The following ZNF106 variants were observed in gnomAD, a reference collection of about 807,000 sequenced individuals.
The protein encoded by ZNF106 is zinc finger protein 106, also known as SH3-domain binding protein 3.
A neutral mutation model predicts 195.1 loss-of-function variants in ZNF106; 67 were observed. The observed-to-expected ratio is 0.34, with a 90% CI of 0.28 to 0.42. The LOEUF (loss-of-function observed/expected upper bound fraction) is 0.42. ZNF106 is among the 10% of genes least tolerant of loss of function. ZNF106 has a pLI of 1.00. For missense variants in ZNF106, 2,118 were observed against 2,304.5 expected, an observed-to-expected ratio of 0.92 and a Z score of 1.66; for synonymous variants, 784 against 818.6, an observed-to-expected ratio of 0.96 and a Z score of 0.72.
chr15:42,436,916 G>A (rs112597613), intron 13 of ZNF106, among the ~76,000 whole-genome samples: 68 of 152,314 alleles, frequency 4.5e-4, no homozygotes, highest in Admixed American at 1.4e-3. Flanking sequence ...GATCGTTCAG[G>A]GAGTAAAACA....
At chr15:42,477,202 A>G (rs2056803424) in intron 1 of ZNF106, among the ~76,000 whole-genome samples, 1 of 152,124 alleles carries the variant, frequency 6.6e-6, no homozygotes, top group Non-Finnish European at 1.5e-5. Context: ...CTTTCATTTA[A>G]CATACATTGG....
intron 3 of ZNF106, among the ~76,000 whole-genome samples, chr15:42,465,710 A>G (rs1328998610): frequency 1.3e-5 from 2 of 152,218 alleles, no homozygotes; most frequent in Admixed American, 1.3e-4. Flanking sequence ...AATAATTTGT[A>G]ACACTGCTGA....
chr15:42,418,748 GA>G (rs1371620875), intron 20 of ZNF106, among the ~76,000 whole-genome samples: 1 of 151,872 alleles, frequency 6.6e-6, no homozygotes, highest in African/African-American at 2.4e-5. Flanking sequence ...GTCTGATAAA[GA>G]AAACTACATT....
chr15:42,488,434 C>T (rs1196840795), intron 1 of ZNF106, among the ~76,000 whole-genome samples: 1 of 152,094 alleles, frequency 6.6e-6, no homozygotes, highest in Non-Finnish European at 1.5e-5. Flanking sequence ...CAGATTAAAA[C>T]ATGCACAAAC....
chr15:42,444,741 T>C (rs2055702670), intron 8 of ZNF106, 86 bp downstream of exon 8: 2 of 1,544,028 alleles, frequency 1.3e-6, no homozygotes, highest in Non-Finnish European at 1.8e-6. Flanking sequence ...CCATTGCTTT[T>C]GGGGTGACTC....
intron 16 of ZNF106, 146 bp downstream of exon 16, chr15:42,424,688 C>G: frequency 1.3e-6 from 1 of 750,574 alleles, no homozygotes; most frequent in Non-Finnish European, 2.1e-6. Flanking sequence ...CCATGTTGCC[C>G]TGGCTGGTCT....
chr15:42,439,254 A>C lies in ZNF106; in HGVS notation c.4323T>G (p.Asp1441Glu). Residue 1441 changes from aspartate to glutamate, a missense_variant, in exon 11 of 22, where the codon GAT becomes GAG. Transcript: ENST00000564754. ...REQESVRDEP[D>E]SDSSLEVLEI... Reference sequence around the variant, plus strand: ...CTAGGACTTCCAGAGACGAGTCACTATCTGGCTCATCTCTGACACTCTCCT... The same window carrying C: ...CTAGGACTTCCAGAGACGAGTCACTCTCTGGCTCATCTCTGACACTCTCCT... The C allele has an allele frequency of 2.5e-6, 4 of 1,614,156 alleles. No individual in the cohort carries two copies. Among genetic ancestry groups the C allele is most frequent in the Non-Finnish European group, 3.4e-6 (4 of 1,180,030 alleles).
intron 2 of ZNF106, among the ~76,000 whole-genome samples, chr15:42,468,851 T>C (rs1395703249): frequency 1.3e-5 from 2 of 151,952 alleles, no homozygotes; most frequent in Non-Finnish European, 2.9e-5. Context: ...ACCTGAAAAC[T>C]AAGACAAGTT....
intron 1 of ZNF106, among the ~76,000 whole-genome samples, chr15:42,485,752 T>C (rs2056999385): frequency 6.6e-6 from 1 of 152,204 alleles, no homozygotes; most frequent in African/African-American, 2.4e-5. Context: ...AATAAAAATG[T>C]GTGACGTATG....
chr15:42,441,867 A>G, intron 10 of ZNF106: 2 of 413,296 alleles, frequency 4.8e-6, no homozygotes, highest in Non-Finnish European at 8.5e-6. Context: ...GATTAGAGGA[A>G]ATGAAAGAAA....
intron 10 of ZNF106, 117 bp downstream of exon 10, chr15:42,441,956 A>C: frequency 1.4e-6 from 1 of 712,482 alleles, no homozygotes; most frequent in Non-Finnish European, 2.3e-6. Flanking sequence ...TCCAGTGACA[A>C]ATTAGTTGTA....
chr15:42,421,390 A>C (rs536454495), intron 19 of ZNF106, among the ~76,000 whole-genome samples: 15 of 152,276 alleles, frequency 9.9e-5, no homozygotes, highest in Middle Eastern at 3.4e-3. Flanking sequence ...CTTGTCCTTT[A>C]TACTTTAACT....
Position 42,468,729 on chromosome 15 carries a change from A to G in ZNF106, c.55-2615T>C, listed in dbSNP as rs565744656. ...TTGCACTCCAGCCTGGAGACAGAGC[A>G]AGACTCCGTCTCAAAAAAAATAAAA... On this transcript the variant is annotated intron_variant, in intron 2 of 21. Transcript: ENST00000564754. 2.7e-5 allele frequency among the ~76,000 whole-genome samples: 4 copies of G among 150,808 alleles called. No individual in the cohort carries two copies. The East Asian group carries it at 8.2e-4, about 31-fold the overall frequency.
intron 1 of ZNF106, among the ~76,000 whole-genome samples, chr15:42,474,197 G>C (rs1245332994): frequency 6.6e-6 from 1 of 152,122 alleles, no homozygotes; most frequent in Non-Finnish European, 1.5e-5. Context: ...GGAAATTTTG[G>C]AATAGTTTAT....
intron 3 of ZNF106, among the ~76,000 whole-genome samples, chr15:42,462,379 T>C (rs1486044154): frequency 6.6e-6 from 1 of 152,020 alleles, no homozygotes; most frequent in Non-Finnish European, 1.5e-5. Flanking sequence ...AGGTGGATCA[T>C]CTGAGGTCAG....
At chr15:42,441,187 A>AC (rs2055522590) in intron 10 of ZNF106, among the ~76,000 whole-genome samples, 2 of 147,818 alleles carry the variant, frequency 1.4e-5, no homozygotes, top group Admixed American at 1.4e-4. Context: ...AAAAAAAAAA[A>AC]AAAAAATTAG....
chr15:42,439,542 C>T lies in ZNF106; in HGVS notation c.4035G>A (p.Leu1345=), dbSNP rs965789622. Residue 1345 remains leucine, a synonymous_variant, in exon 11 of 22, where the codon TTG becomes TTA. Coordinates refer to ENST00000564754, the MANE Select transcript of ZNF106 (RefSeq NM_001366845.3). ...LRLSFASETP[L]EKEPHSPADQ... is the part of the protein sequence containing the mutation. ...CAGCTGGAGAGTGGGGTTCCTTCTC[C>T]AAAGGGGTTTCTGAAGCAAAAGACA... The T allele has an allele frequency of 6.2e-7, 1 of 1,614,064 alleles. No individual in the cohort carries two copies. Among genetic ancestry groups the T allele is most frequent in the African/African-American group, 1.3e-5 (1 of 74,914 alleles).
chr15:42,479,282 G>A (rs907221482), intron 1 of ZNF106, among the ~76,000 whole-genome samples: 75 of 152,258 alleles, frequency 4.9e-4, no homozygotes, highest in African/African-American at 1.7e-3. Flanking sequence ...GTTGAGGCAG[G>A]AGAATCGCTT....
chr15:42,445,466 T>C (rs904762698), intron 7 of ZNF106, among the ~76,000 whole-genome samples: 2 of 152,358 alleles, frequency 1.3e-5, no homozygotes, highest in African/African-American at 4.8e-5. Flanking sequence ...AGCTTTGAAA[T>C]AGTACATTTA....
Sources: allele counts gnomAD v4.1 joint callset (sites outside exome capture counted in the v4.1 genomes callset), GRCh38; gene constraint gnomAD v4.1.1; transcripts MANE v1.5; gene names NCBI Gene and HGNC (gene_info 2026-07-23, HGNC 2026-07-21).